The following ATXN7L1 variants were observed in gnomAD, a reference collection of about 807,000 sequenced individuals.
ATXN7L1 encodes ataxin 7 like 1, also known as ataxin-7-like protein 1.
Under a neutral mutation model 70.8 loss-of-function variants are expected in ATXN7L1, and 15 were observed. The observed-to-expected ratio is 0.21, with a 90% CI of 0.14 to 0.33. ATXN7L1 has a LOEUF of 0.33. ATXN7L1 is among the 10% of genes least tolerant of loss of function. The pLI is 1.00. For synonymous variants in ATXN7L1, 440 were observed against 445.1 expected, an observed-to-expected ratio of 0.99 and a Z score of 0.14; for missense variants, 975 against 1,097.1, an observed-to-expected ratio of 0.89 and a Z score of 1.57.
chr7:105,709,129 T>C (rs753592749), intron 3 of ATXN7L1, among the ~76,000 whole-genome samples: 1 of 152,224 alleles, frequency 6.6e-6, no homozygotes, highest in Non-Finnish European at 1.5e-5. Flanking sequence ...GGTCAGGAGT[T>C]AGAGACCAGG....
At chr7:105,868,408 G>A (rs1180586997) in intron 2 of ATXN7L1, among the ~76,000 whole-genome samples, 1 of 152,186 alleles carries the variant, frequency 6.6e-6, no homozygotes, top group Non-Finnish European at 1.5e-5. Context: ...AAACACATAA[G>A]GGAGGCTGAG....
rs1184699473 is a variant in ATXN7L1 at position 105,606,234 on chromosome 7, TAAAAA to T, written c.*1613_*1617del. The T allele has an allele frequency of 1.3e-5, 2 of 152,202 alleles. No individual in the cohort carries two copies. The highest frequency in any genetic ancestry group is 4.8e-5 in the African/African-American group (2 of 41,452). 9.4% of individuals were successfully genotyped at this position (152,202 alleles called of 1,614,324 possible). On this transcript the variant is annotated 3_prime_UTR_variant, in exon 12 of 12. Transcript: ENST00000419735. ...GATTTTTAAACAAATCATTTTATAT[TAAAAA>T]ATTTAGTAATCCTATAAGAAACACT...
chr7:105,841,375 G>A (rs554702921), intron 2 of ATXN7L1, among the ~76,000 whole-genome samples: 1 of 152,152 alleles, frequency 6.6e-6, no homozygotes, highest in African/African-American at 2.4e-5. Context: ...GCTTATCCAC[G>A]GTTTCACTTT....
intron 2 of ATXN7L1, among the ~76,000 whole-genome samples, chr7:105,866,829 A>G (rs1244650499): frequency 6.6e-6 from 1 of 152,172 alleles, no homozygotes; most frequent in East Asian, 1.9e-4. Context: ...GCAATCACTC[A>G]GTGACCACTG....
chr7:105,657,958 G>A (rs1800941296), intron 4 of ATXN7L1, among the ~76,000 whole-genome samples: 1 of 152,054 alleles, frequency 6.6e-6, no homozygotes, highest in Admixed American at 6.6e-5. Flanking sequence ...AAATTGAGAT[G>A]TGCTGTAAGT....
chr7:105,757,578 ATTTTT>A (rs34846815), intron 3 of ATXN7L1, among the ~76,000 whole-genome samples: 1 of 62,462 alleles, frequency 1.6e-5, no homozygotes, highest in African/African-American at 6.0e-5. Context: ...ACCTTTCTGT[ATTTTT>A]TTTTTTTTTT....
chr7:105,807,747 C>T (rs772362045), intron 2 of ATXN7L1, among the ~76,000 whole-genome samples: 1 of 152,184 alleles, frequency 6.6e-6, no homozygotes, highest in Non-Finnish European at 1.5e-5. Flanking sequence ...GCTGTTCCTG[C>T]CCAGACCTCT....
At position 105,789,635 on chromosome 7, in the gene ATXN7L1, G is replaced by C. The variant is rs561707195; in HGVS notation, c.251-927C>G. On this transcript the variant is annotated intron_variant, in intron 2 of 11. Coordinates refer to ENST00000419735, the MANE Select transcript of ATXN7L1 (RefSeq NM_020725.2). Reference sequence around the variant, plus strand: ...AGGAAGGAGGCTCTGTGCATGGAGGGAGTCTTGGCGCCTCTTGGCTGGAAC... The same window carrying C: ...AGGAAGGAGGCTCTGTGCATGGAGGCAGTCTTGGCGCCTCTTGGCTGGAAC... Among the ~76,000 whole-genome samples, 72 of 152,220 alleles carry C rather than the reference G, an allele frequency of 4.7e-4. 1 individual carries two copies. Among genetic ancestry groups the C allele is most frequent in the African/African-American group, 1.6e-3 (66 of 41,548 alleles).
intron 3 of ATXN7L1, among the ~76,000 whole-genome samples, chr7:105,728,353 A>C (rs1796151106): frequency 6.6e-6 from 1 of 152,170 alleles, no homozygotes; most frequent in Admixed American, 6.5e-5. Context: ...GCATATTGGA[A>C]CTGAACAATT....
At chr7:105,733,119 C>G (rs765539119) in intron 3 of ATXN7L1, among the ~76,000 whole-genome samples, 1 of 152,162 alleles carries the variant, frequency 6.6e-6, no homozygotes, top group Non-Finnish European at 1.5e-5. Flanking sequence ...TCCATGAAAG[C>G]AGGGGCTTTA....
At chr7:105,767,878 C>T (rs1801489135) in intron 3 of ATXN7L1, among the ~76,000 whole-genome samples, 2 of 152,240 alleles carry the variant, frequency 1.3e-5, no homozygotes, top group African/African-American at 4.8e-5. Flanking sequence ...CAGTCCACCC[C>T]TCTGGAGTTC....
intron 3 of ATXN7L1, among the ~76,000 whole-genome samples, chr7:105,744,465 T>A (rs1337425775): frequency 6.6e-6 from 1 of 152,024 alleles, no homozygotes; most frequent in Non-Finnish European, 1.5e-5. Flanking sequence ...AGCTGCCCAG[T>A]CCCCACCCAA....
intron 3 of ATXN7L1, among the ~76,000 whole-genome samples, chr7:105,780,328 G>A (rs1191159365): frequency 2.0e-5 from 3 of 152,152 alleles, no homozygotes; most frequent in African/African-American, 7.2e-5. Flanking sequence ...CCTCACTCCA[G>A]GGGTGAGTTT....
At chr7:105,700,222 G>A (rs980016432) in intron 3 of ATXN7L1, among the ~76,000 whole-genome samples, 2 of 152,058 alleles carry the variant, frequency 1.3e-5, no homozygotes, top group Non-Finnish European at 2.9e-5. Context: ...AATGACAAGG[G>A]GGGCTGGGCG....
intron 3 of ATXN7L1, among the ~76,000 whole-genome samples, chr7:105,676,431 C>T (rs767575573): frequency 6.6e-6 from 1 of 152,158 alleles, no homozygotes; most frequent in African/African-American, 2.4e-5. Flanking sequence ...TGATATCGCC[C>T]CCAGAGCACT....
chr7:105,871,162 A>C (rs74494667), intron 2 of ATXN7L1, among the ~76,000 whole-genome samples: 1 of 151,074 alleles, frequency 6.6e-6, no homozygotes, highest in Non-Finnish European at 1.5e-5. Flanking sequence ...GGTACATTCA[A>C]TAGAGAAGCT....
intron 3 of ATXN7L1, among the ~76,000 whole-genome samples, chr7:105,670,301 A>G (rs1170164988): frequency 6.6e-6 from 1 of 152,122 alleles, no homozygotes; most frequent in Admixed American, 6.6e-5. Flanking sequence ...ATGTCTTTCT[A>G]TGTTTTGATT....
At chr7:105,858,549 T>C (rs1272733163) in intron 2 of ATXN7L1, among the ~76,000 whole-genome samples, 1 of 152,210 alleles carries the variant, frequency 6.6e-6, no homozygotes, top group Non-Finnish European at 1.5e-5. Context: ...TGTCAAAGCA[T>C]TACCCACAGA....
intron 3 of ATXN7L1, among the ~76,000 whole-genome samples, chr7:105,762,319 G>A (rs553145088): frequency 1.6e-4 from 25 of 152,144 alleles, no homozygotes; most frequent in Admixed American, 4.6e-4. Flanking sequence ...CTGGCAGGGC[G>A]GACAACCTAG....
Sources: allele counts gnomAD v4.1 joint callset (sites outside exome capture counted in the v4.1 genomes callset), GRCh38; gene constraint gnomAD v4.1.1; transcripts MANE v1.5; gene names NCBI Gene and HGNC (gene_info 2026-07-23, HGNC 2026-07-21).